Variants in TNFSF4 observed in about 807,000 individuals in gnomAD.
The protein encoded by TNFSF4 is tumor necrosis factor ligand superfamily member 4.
A neutral mutation model predicts 7.3 loss-of-function variants in TNFSF4; 4 were observed. That is an observed-to-expected ratio of 0.55 (90% confidence interval 0.27 to 1.25). The LOEUF (loss-of-function observed/expected upper bound fraction) is 1.25. TNFSF4 is among the 50% of genes most tolerant of loss of function. The pLI is 0.12. For synonymous variants in TNFSF4, 76 were observed against 83.7 expected, an observed-to-expected ratio of 0.91 and a Z score of 0.50; for missense variants, 181 against 208.8, an observed-to-expected ratio of 0.87 and a Z score of 0.82.
chr1:173,419,910 G>A, the TNFSF4 span, among the ~76,000 whole-genome samples: 14 of 152,072 alleles, frequency 9.2e-5, no homozygotes, highest in South Asian at 8.3e-4. Context: ...TGTGGCGGGG[G>A]GGGGGATGAG....
the TNFSF4 span, among the ~76,000 whole-genome samples, chr1:173,334,432 T>A: frequency 6.6e-6 from 1 of 152,262 alleles, no homozygotes; most frequent in Non-Finnish European, 1.5e-5. Flanking sequence ...CTAAGTTCTC[T>A]GCTTAAACTG....
At chr1:173,418,554 A>C in the TNFSF4 span, 18 of 152,110 alleles carry the variant, frequency 1.2e-4, no homozygotes, top group Non-Finnish European at 2.5e-4. Flanking sequence ...GCTGTAAGGA[A>C]TCTGGCGAAG....
the TNFSF4 span, among the ~76,000 whole-genome samples, chr1:173,292,388 A>T: frequency 1.3e-5 from 2 of 152,172 alleles, no homozygotes; most frequent in Non-Finnish European, 2.9e-5. Flanking sequence ...AAACCATATG[A>T]TCATCTCAAT....
the TNFSF4 span, among the ~76,000 whole-genome samples, chr1:173,283,568 G>A: frequency 6.6e-6 from 1 of 152,092 alleles, no homozygotes; most frequent in African/African-American, 2.4e-5. Context: ...GCCAAGAATT[G>A]TAGACTATTG....
At chr1:173,287,231 A>G in the TNFSF4 span, among the ~76,000 whole-genome samples, 1 of 152,298 alleles carries the variant, frequency 6.6e-6, no homozygotes, top group East Asian at 1.9e-4. Flanking sequence ...GCTACTTGGG[A>G]GGCTAAAGCA....
chr1:173,243,005 G>GGC, the TNFSF4 span, among the ~76,000 whole-genome samples: 22 of 31,956 alleles, frequency 6.9e-4, 1 homozygote, highest in South Asian at 0.035. Context: ...GTTGGTGGGT[G>GGC]GGGGGGGGGG....
At chr1:173,303,036 G>A in the TNFSF4 span, among the ~76,000 whole-genome samples, 4 of 151,830 alleles carry the variant, frequency 2.6e-5, no homozygotes, top group Admixed American at 6.6e-5. Context: ...CATGAAAAGC[G>A]GCTGGACAGT....
the TNFSF4 span, chr1:173,363,518 CT>C: frequency 2.2e-6 from 1 of 456,814 alleles, no homozygotes; most frequent in Non-Finnish European, 4.4e-6. Context: ...CAAATCTTAC[CT>C]TTAAGATTCT....
At chr1:173,222,389 G>C in the TNFSF4 span, among the ~76,000 whole-genome samples, 1 of 152,198 alleles carries the variant, frequency 6.6e-6, no homozygotes, top group African/African-American at 2.4e-5. Flanking sequence ...AAAGTTAGTT[G>C]CATCAATAAA....
chr1:173,204,924 A>ACACACAAACAC (rs1557886815), intron 1 of TNFSF4, among the ~76,000 whole-genome samples: 5 of 131,722 alleles, frequency 3.8e-5, no homozygotes, highest in African/African-American at 1.0e-4. Context: ...CACACACACA[A>ACACACAAACAC]ACACACACAC....
the TNFSF4 span, among the ~76,000 whole-genome samples, chr1:173,244,402 G>A: frequency 4.4e-4 from 67 of 152,076 alleles, no homozygotes; most frequent in Non-Finnish European, 7.8e-4. Flanking sequence ...CAGCACTTTG[G>A]GAGGCCGAGG....
chr1:173,287,063 A>G, the TNFSF4 span, among the ~76,000 whole-genome samples: 1 of 152,210 alleles, frequency 6.6e-6, no homozygotes, highest in African/African-American at 2.4e-5. Context: ...CATGCCTATA[A>G]TACCAACACT....
the TNFSF4 span, among the ~76,000 whole-genome samples, chr1:173,176,224 A>G: frequency 2.0e-5 from 3 of 152,166 alleles, no homozygotes; most frequent in Non-Finnish European, 2.9e-5. Flanking sequence ...CAGTAAAAAT[A>G]TGGGCCCTTC....
At chr1:173,349,073 G>C in the TNFSF4 span, among the ~76,000 whole-genome samples, 2 of 151,894 alleles carry the variant, frequency 1.3e-5, no homozygotes, top group African/African-American at 2.4e-5. Context: ...CTCTCTCCCA[G>C]GCTGGAGTGC....
the TNFSF4 span, among the ~76,000 whole-genome samples, chr1:173,330,305 T>TTATTAA: frequency 0.64 from 96,173 of 150,004 alleles, 32,277 homozygotes; most frequent in East Asian, 0.9. Context: ...ATACTAAATA[T>TTATTAA]TAATTGACAA....
chr1:173,416,638 T>TATTTATTTATTTATTTTTTGA, the TNFSF4 span, among the ~76,000 whole-genome samples: 1 of 110,076 alleles, frequency 9.1e-6, no homozygotes, highest in Non-Finnish European at 1.9e-5. Context: ...ATTTATTTTT[T>TATTTATTTATTTATTTTTTGA]GAGAGAGAGA....
chr1:173,387,619 G>A, the TNFSF4 span, among the ~76,000 whole-genome samples: 1 of 152,150 alleles, frequency 6.6e-6, no homozygotes, highest in South Asian at 2.1e-4. Flanking sequence ...ATAGTCAATT[G>A]AGATCATTGC....
chr1:173,259,170 GC>G, the TNFSF4 span, among the ~76,000 whole-genome samples: 1 of 152,264 alleles, frequency 6.6e-6, no homozygotes, highest in Non-Finnish European at 1.5e-5. Context: ...CTGTTCTGCA[GC>G]CTCCACTGGT....
chr1:173,235,033 C>T, the TNFSF4 span, among the ~76,000 whole-genome samples: 1 of 152,156 alleles, frequency 6.6e-6, no homozygotes, highest in Non-Finnish European at 1.5e-5. Context: ...TATAATCAGG[C>T]AAATGACACA....
Sources: gnomAD v4.1 joint callset for allele counts (sites outside exome capture counted in the v4.1 genomes callset) on GRCh38, gnomAD v4.1.1 for gene constraint, MANE v1.5 for transcripts, NCBI Gene and HGNC (gene_info 2026-07-23, HGNC 2026-07-21) for gene names.